ANXA8: variants seen among roughly 807,000 people sequenced by gnomAD.
ANXA8 encodes the protein VAC-beta.
Under a neutral mutation model 26.8 loss-of-function variants are expected in ANXA8, and 9 were observed. The observed-to-expected ratio is 0.34, with a 90% CI of 0.20 to 0.59. The LOEUF (loss-of-function observed/expected upper bound fraction) is 0.59. Among genes scored for constraint, ANXA8 ranks in the 20% least tolerant of loss-of-function variants. ANXA8 has a pLI of 0.84. For synonymous variants in ANXA8, 39 were observed against 94.8 expected, an observed-to-expected ratio of 0.41 and a Z score of 3.42; for missense variants, 83 against 238.5, an observed-to-expected ratio of 0.35 and a Z score of 4.29.
At chr10:47,615,856 G>C in the ANXA8 span, among the ~76,000 whole-genome samples, 10 of 74,838 alleles carry the variant, frequency 1.3e-4, 5 homozygotes, top group Middle Eastern at 0.011. Context: ...CTTTTACTTG[G>C]TAAATCTGGG....
chr10:47,685,346 CAA>C, the ANXA8 span, among the ~76,000 whole-genome samples: 15 of 82,924 alleles, frequency 1.8e-4, no homozygotes, highest in East Asian at 3.5e-4. Flanking sequence ...GAATCTGTCT[CAA>C]AAAAAAAAAA....
the ANXA8 span, among the ~76,000 whole-genome samples, chr10:47,619,628 A>G: frequency 8.4e-6 from 1 of 119,630 alleles, no homozygotes; most frequent in East Asian, 2.1e-4. Flanking sequence ...CTAAATCAGA[A>G]TTGTTAATGA....
At chr10:47,748,437 T>C in the ANXA8 span, among the ~76,000 whole-genome samples, 1 of 151,944 alleles carries the variant, frequency 6.6e-6, no homozygotes, top group East Asian at 1.9e-4. Flanking sequence ...GGTCTCAAAC[T>C]TCTGACCTCA....
At chr10:47,562,948 T>C in the ANXA8 span, among the ~76,000 whole-genome samples, 1 of 142,878 alleles carries the variant, frequency 7.0e-6, no homozygotes, top group Non-Finnish European at 1.5e-5. Flanking sequence ...AGCAGAATTC[T>C]TGCCAGGCAT....
chr10:47,484,465 AG>A, upstream of ANXA8: 2 of 1,090,548 alleles, frequency 1.8e-6, no homozygotes, highest in Non-Finnish European at 2.6e-6. Flanking sequence ...TCCGGGGGCA[AG>A]GGGCTCATAT....
the ANXA8 span, among the ~76,000 whole-genome samples, chr10:47,896,828 CAAGACATAAACAATTGTGAAAA>C: frequency 6.6e-6 from 1 of 152,034 alleles, no homozygotes; most frequent in Non-Finnish European, 1.5e-5. Flanking sequence ...GGTATTCAAA[CAAGACATAAACAATTGTGAAAA>C]AAGTCACAAT....
the ANXA8 span, among the ~76,000 whole-genome samples, chr10:47,952,040 A>T: frequency 1.3e-5 from 2 of 150,554 alleles, no homozygotes; most frequent in African/African-American, 4.9e-5. Flanking sequence ...AAAGCATTTG[A>T]CAATATGCAA....
chr10:47,730,710 G>T, the ANXA8 span, among the ~76,000 whole-genome samples: 12 of 144,330 alleles, frequency 8.3e-5, no homozygotes, highest in Non-Finnish European at 1.5e-4. Flanking sequence ...TTAAAGGTTT[G>T]CCCATTTGTT....
the ANXA8 span, among the ~76,000 whole-genome samples, chr10:47,556,612 G>T: frequency 6.6e-5 from 10 of 151,748 alleles, no homozygotes; most frequent in Non-Finnish European, 1.3e-4. Flanking sequence ...TATGTTTTAT[G>T]GATATGTACA....
chr10:47,937,784 A>G, the ANXA8 span, among the ~76,000 whole-genome samples: 1 of 146,982 alleles, frequency 6.8e-6, no homozygotes, highest in East Asian at 2.0e-4. Flanking sequence ...TACACTATGG[A>G]ATACTATGCA....
the ANXA8 span, among the ~76,000 whole-genome samples, chr10:47,688,426 A>G: frequency 7.1e-6 from 1 of 140,340 alleles, no homozygotes; most frequent in African/African-American, 2.6e-5. Context: ...AAAATGAGTA[A>G]TTTTTTTTTT....
chr10:47,552,773 G>T, the ANXA8 span, among the ~76,000 whole-genome samples: 29 of 151,994 alleles, frequency 1.9e-4, no homozygotes, highest in African/African-American at 6.0e-4. Flanking sequence ...ATTTCATTCA[G>T]TTAAGGTCCT....
chr10:47,932,736 C>CTG, the ANXA8 span, among the ~76,000 whole-genome samples: 2 of 99,662 alleles, frequency 2.0e-5, no homozygotes, highest in Non-Finnish European at 3.9e-5. Flanking sequence ...CTTTCTGTCT[C>CTG]TCTCTCTCTC....
At chr10:47,618,641 T>C in the ANXA8 span, among the ~76,000 whole-genome samples, 1 of 115,100 alleles carries the variant, frequency 8.7e-6, no homozygotes, top group East Asian at 2.1e-4. Flanking sequence ...ACATTTATGA[T>C]AACTGCTCAT....
At chr10:47,718,093 C>G in the ANXA8 span, among the ~76,000 whole-genome samples, 8 of 152,056 alleles carry the variant, frequency 5.3e-5, no homozygotes, top group Non-Finnish European at 1.2e-4. Context: ...CTACAGGAGA[C>G]TACTTGGGTG....
At chr10:47,584,121 G>A in the ANXA8 span, among the ~76,000 whole-genome samples, 5 of 148,696 alleles carry the variant, frequency 3.4e-5, 1 homozygote, top group African/African-American at 1.3e-4. Context: ...TGAAGCTATA[G>A]TGAGCCGAGA....
At chr10:47,650,205 CAAAA>C in the ANXA8 span, among the ~76,000 whole-genome samples, 123 of 99,838 alleles carry the variant, frequency 1.2e-3, 1 homozygote, top group East Asian at 0.03. Context: ...AAGTCTGTCT[CAAAA>C]AAAAAAAAAA....
chr10:47,954,663 C>A, the ANXA8 span, among the ~76,000 whole-genome samples: 79 of 151,078 alleles, frequency 5.2e-4, 1 homozygote, highest in African/African-American at 1.9e-3. Flanking sequence ...CTCATGTACT[C>A]CATAAATATA....
chr10:47,667,734 T>C, the ANXA8 span, among the ~76,000 whole-genome samples: 3 of 151,418 alleles, frequency 2.0e-5, no homozygotes, highest in Non-Finnish European at 2.9e-5. Flanking sequence ...TGTTTTTTTG[T>C]TTTGTTTTGT....
Sources: allele counts gnomAD v4.1 joint callset (sites outside exome capture counted in the v4.1 genomes callset), GRCh38; gene constraint gnomAD v4.1.1; transcripts MANE v1.5; gene names NCBI Gene and HGNC (gene_info 2026-07-23, HGNC 2026-07-21).